Variants in SPMAP2L observed in about 807,000 individuals in gnomAD.
The protein encoded by SPMAP2L is sperm microtubule associated protein 2 like, also known as sperm microtubule associated protein 2-like.
chr4:56,571,699 T>C, the SPMAP2L span, among the ~76,000 whole-genome samples: 97 of 152,174 alleles, frequency 6.4e-4, 1 homozygote, highest in African/African-American at 2.2e-3. Context: ...ATTAAAAAAA[T>C]TATCTGGGCA....
chr4:56,596,367 C>A, the SPMAP2L span: 1 of 850,332 alleles, frequency 1.2e-6, no homozygotes. Flanking sequence ...TTATAGGTTA[C>A]TGCAAGATTC....
chr4:56,577,175 T>C, the SPMAP2L span, among the ~76,000 whole-genome samples: 3 of 151,310 alleles, frequency 2.0e-5, no homozygotes, highest in Non-Finnish European at 4.4e-5. Context: ...GAGGCCAAGG[T>C]GGGTGGATCA....
At chr4:56,587,597 C>T in the SPMAP2L span, among the ~76,000 whole-genome samples, 17 of 152,176 alleles carry the variant, frequency 1.1e-4, no homozygotes, top group East Asian at 3.1e-3. Flanking sequence ...AGTTACTTTA[C>T]TTAGAATAAT....
At chr4:56,562,382 A>AGT in the SPMAP2L span, among the ~76,000 whole-genome samples, 1 of 151,422 alleles carries the variant, frequency 6.6e-6, no homozygotes, top group Non-Finnish European at 1.5e-5. Flanking sequence ...AGGAATCTTT[A>AGT]GTGTGTGTGT....
chr4:56,619,140 TAATAA>T, the SPMAP2L span, among the ~76,000 whole-genome samples: 1 of 152,230 alleles, frequency 6.6e-6, no homozygotes, highest in Non-Finnish European at 1.5e-5. Flanking sequence ...TGATAGCTAG[TAATAA>T]AATAGAATAA....
At chr4:56,595,423 A>C in the SPMAP2L span, 1 of 1,606,946 alleles carries the variant, frequency 6.2e-7, no homozygotes, top group Non-Finnish European at 8.5e-7. Context: ...CTGTGATGCC[A>C]TGATCAGCAT....
chr4:56,597,869 G>A, the SPMAP2L span, among the ~76,000 whole-genome samples: 1 of 151,286 alleles, frequency 6.6e-6, no homozygotes, highest in African/African-American at 2.5e-5. Flanking sequence ...TGTGATGGTG[G>A]TGTTTTTTTT....
the SPMAP2L span, chr4:56,594,030 T>C: frequency 1.9e-6 from 3 of 1,611,466 alleles, no homozygotes; most frequent in Non-Finnish European, 2.5e-6. Flanking sequence ...CAGCGGCAGA[T>C]CAATTTTCGG....
chr4:56,533,394 A>G, the SPMAP2L span, among the ~76,000 whole-genome samples: 3 of 152,052 alleles, frequency 2.0e-5, no homozygotes, highest in Non-Finnish European at 2.9e-5. Flanking sequence ...TTCACTGAGA[A>G]TAGAAGAAAT....
the SPMAP2L span, chr4:56,594,118 C>T: frequency 2.5e-6 from 4 of 1,607,668 alleles, no homozygotes; most frequent in Non-Finnish European, 3.4e-6. Context: ...TGTTGCGGAT[C>T]TTTGTTTGTG....
At chr4:56,571,388 C>T in the SPMAP2L span, among the ~76,000 whole-genome samples, 1 of 150,876 alleles carries the variant, frequency 6.6e-6, no homozygotes, top group Non-Finnish European at 1.5e-5. Context: ...ACTCAGCTCA[C>T]TGTAACCGCA....
chr4:56,555,206 T>G, the SPMAP2L span, among the ~76,000 whole-genome samples: 2 of 152,174 alleles, frequency 1.3e-5, no homozygotes. Context: ...CCCAAAGGGC[T>G]GGGATTACAG....
At chr4:56,546,174 T>G in the SPMAP2L span, among the ~76,000 whole-genome samples, 1 of 151,822 alleles carries the variant, frequency 6.6e-6, no homozygotes, top group African/African-American at 2.4e-5. Flanking sequence ...TCATTTATAG[T>G]GCTGTGTTTT....
chr4:56,541,325 CAT>C, the SPMAP2L span, among the ~76,000 whole-genome samples: 2 of 151,904 alleles, frequency 1.3e-5, no homozygotes, highest in Non-Finnish European at 2.9e-5. Context: ...ATAAAAGTAA[CAT>C]ATTAAAATAA....
the SPMAP2L span, among the ~76,000 whole-genome samples, chr4:56,576,107 T>A: frequency 3.9e-5 from 6 of 152,360 alleles, no homozygotes; most frequent in African/African-American, 1.4e-4. Flanking sequence ...ATTAGTGGAA[T>A]ATATACAGTG....
the SPMAP2L span, among the ~76,000 whole-genome samples, chr4:56,566,888 G>A: frequency 2.0e-5 from 3 of 151,262 alleles, no homozygotes; most frequent in Non-Finnish European, 2.9e-5. Flanking sequence ...GTAGAGACAG[G>A]GTTTCAGCGT....
the SPMAP2L span, among the ~76,000 whole-genome samples, chr4:56,600,069 C>A: frequency 6.8e-6 from 1 of 147,736 alleles, no homozygotes; most frequent in Admixed American, 6.7e-5. Context: ...GGAATGTAAA[C>A]CAGCTAATTT....
At chr4:56,531,136 G>A in the SPMAP2L span, 2 of 1,534,450 alleles carry the variant, frequency 1.3e-6, no homozygotes, top group Non-Finnish European at 1.7e-6. Flanking sequence ...GATCACCAGA[G>A]CCCCGCCACG....
the SPMAP2L span, among the ~76,000 whole-genome samples, chr4:56,611,867 T>G: frequency 1.3e-5 from 2 of 152,002 alleles, no homozygotes; most frequent in Non-Finnish European, 2.9e-5. Flanking sequence ...CCCCTTCAAC[T>G]TCCCCACACA....
Sources: gnomAD v4.1 joint callset for allele counts (sites outside exome capture counted in the v4.1 genomes callset) on GRCh38, gnomAD v4.1.1 for gene constraint, MANE v1.5 for transcripts, NCBI Gene and HGNC (gene_info 2026-07-23, HGNC 2026-07-21) for gene names.